Variants in ZNF45 observed in about 807,000 individuals in gnomAD.
The protein encoded by ZNF45 is zinc finger protein 45.
ZNF45 carries 4 observed loss-of-function variants against 12.0 expected under a neutral mutation model. The ratio of observed to expected loss-of-function variants is 0.33; its 90% CI spans 0.16 to 0.76. ZNF45 has a LOEUF of 0.76. ZNF45 is among the 30% of genes least tolerant of loss of function. The probability of loss-of-function intolerance (pLI) is 0.60; values close to 1 mark genes in which losing one functional copy is unlikely to be tolerated. For synonymous variants in ZNF45, 272 were observed against 279.6 expected (o/e 0.97, Z 0.27); for missense variants, 700 against 813.0 (o/e 0.86, Z 1.69).
intron 9 of ZNF45, among the ~76,000 whole-genome samples, chr19:43,917,516 AC>A (rs756215174): frequency 9.9e-5 from 15 of 151,632 alleles, no homozygotes; most frequent in Admixed American, 2.6e-4. Flanking sequence ...ATGGAGTTTC[AC>A]TCTTGTTGCC....
At chr19:43,917,287 G>A (rs1377067905) in intron 9 of ZNF45, among the ~76,000 whole-genome samples, 1 of 152,136 alleles carries the variant, frequency 6.6e-6, no homozygotes, top group African/African-American at 2.4e-5. Flanking sequence ...ATTTCTTATT[G>A]TAACTCATAC....
Position 43,914,790 on chromosome 19 carries a change from T to G in ZNF45, c.646A>C (p.Arg216=), listed in dbSNP as rs777812719. The G allele has an allele frequency of 3.1e-5, 50 of 1,614,020 alleles. No individual in the cohort carries two copies. The highest frequency in any genetic ancestry group is 1.6e-4 in the Middle Eastern group (1 of 6,062). The change falls in exon 10 of 10, where the codon AGA becomes CGA. Residue 216 remains arginine, a synonymous_variant. Transcript: ENST00000269973. ...GCATCATTTGTGTATGATTTTGCTC[T>G]ACTGTGGACTCTCTGATGGGCTTGA... The part of the protein sequence containing the change: ...SLQAHQRVHS[R]AKSYTNDASY...
intron 9 of ZNF45, among the ~76,000 whole-genome samples, 166 bp from the exon 10 acceptor site, chr19:43,915,366 C>A (rs567103875): frequency 6.6e-6 from 1 of 152,340 alleles, no homozygotes; most frequent in East Asian, 1.9e-4. Flanking sequence ...TTCAAAATGT[C>A]TAGTAAAACT....
chr19:43,922,280 A>G (rs1973251803), intron 6 of ZNF45, 63 bp from the exon 7 acceptor site: 2 of 1,192,788 alleles, frequency 1.7e-6, no homozygotes, highest in Non-Finnish European at 2.3e-6. Flanking sequence ...TGGCCAAAAA[A>G]AAAACCATAG....
intron 7 of ZNF45, 87 bp downstream of exon 7, chr19:43,922,081 CCTT>C: frequency 1.4e-6 from 2 of 1,389,888 alleles, no homozygotes; most frequent in Non-Finnish European, 2.0e-6. Context: ...CTACCGTTCT[CCTT>C]CATCTTCCTA....
intron 3 of ZNF45, among the ~76,000 whole-genome samples, chr19:43,928,423 G>T (rs1470159749): frequency 6.6e-6 from 1 of 152,050 alleles, no homozygotes; most frequent in Non-Finnish European, 1.5e-5. Context: ...TGGGTACTAG[G>T]CTTAATACCT....
chr19:43,918,184 GTT>G (rs1295993363), intron 9 of ZNF45, among the ~76,000 whole-genome samples: 1 of 152,148 alleles, frequency 6.6e-6, no homozygotes, highest in African/African-American at 2.4e-5. Context: ...TGTGTAAAGT[GTT>G]TTTGGGGACC....
At chr19:43,927,306 T>C (rs868687593) in intron 3 of ZNF45, among the ~76,000 whole-genome samples, 22 of 152,206 alleles carry the variant, frequency 1.4e-4, no homozygotes, top group African/African-American at 4.8e-4. Context: ...CTACAAGCAT[T>C]TGGAAGGAAC....
At chr19:43,920,535 T>TGGGGGGGGGGGGGGGGGGGG (rs386389071) in intron 7 of ZNF45, among the ~76,000 whole-genome samples, 2 of 22,356 alleles carry the variant, frequency 8.9e-5, no homozygotes, top group Non-Finnish European at 2.4e-4. Context: ...TGTTGCCGGG[T>TGGGGGGGGGGGGGGGGGGGG]GGGGGGGGGG....
At position 43,913,321 on chromosome 19, in the gene ZNF45, GT is replaced by G; in HGVS notation, c.*65del. ...GAACTACTGACTCTATAAAACAAAT[GT>G]TTTGTCTATGATAGCTCTGATTATT... On this transcript the variant is annotated 3_prime_UTR_variant, in exon 10 of 10. Transcript: ENST00000269973. 4 of 1,503,570 alleles carry G rather than the reference GT, an allele frequency of 2.7e-6. No homozygotes were observed. The South Asian group carries it at 5.5e-5, about 21-fold the overall frequency. 93.1% of individuals were successfully genotyped at this position (1,503,570 alleles called of 1,614,324 possible).
Position 43,913,272 on chromosome 19 carries a change from G to C in ZNF45, c.*115C>G. 1.6e-6 allele frequency: 2 copies of C among 1,244,356 alleles called. No homozygotes were observed. Among genetic ancestry groups the C allele is most frequent in the Non-Finnish European group, 2.2e-6 (2 of 905,086 alleles). 77.1% of individuals were successfully genotyped at this position (1,244,356 alleles called of 1,614,324 possible). ...TCCACTCTTGTGAGGCTTCTCTGCTGTGTGGTCTCCCAATCACTTGGCTGA... is the reference window on the plus strand; with the variant it reads ...TCCACTCTTGTGAGGCTTCTCTGCTCTGTGGTCTCCCAATCACTTGGCTGA... On this transcript the variant is annotated 3_prime_UTR_variant, in exon 10 of 10. Coordinates refer to ENST00000269973, the MANE Select transcript of ZNF45 (RefSeq NM_003425.4).
chr19:43,924,970 G>A (rs1348898276), intron 4 of ZNF45, among the ~76,000 whole-genome samples: 2 of 152,184 alleles, frequency 1.3e-5, no homozygotes, highest in Admixed American at 6.5e-5. Context: ...CCTTGCTGCT[G>A]TGGACCAATG....
At chr19:43,915,319 T>C (rs146377360) in intron 9 of ZNF45, 119 bp from the exon 10 acceptor site, 49 of 1,032,464 alleles carry the variant, frequency 4.7e-5, no homozygotes, top group South Asian at 6.0e-5. Context: ...GAAGGTTCCA[T>C]TGCCTACTGC....
intron 7 of ZNF45, among the ~76,000 whole-genome samples, chr19:43,920,492 C>T (rs374670580): frequency 8.0e-6 from 1 of 124,636 alleles, no homozygotes; most frequent in Non-Finnish European, 1.6e-5. Flanking sequence ...GCTGGTAGCA[C>T]CCCCGACCTG....
rs1002704125 is a variant in ZNF45, at chr19:43,926,708, A to G, written c.-399-1250T>C. 3.9e-5 allele frequency among the ~76,000 whole-genome samples: 6 copies of G among 152,214 alleles called. 1 individual carries two copies. The highest frequency in any genetic ancestry group is 3.9e-4 in the Admixed American group (6 of 15,284). The stretch of plus-strand genomic sequence containing the variant: ...ATGAGGAATGGGCTCATAAGCCCAC[A>G]GTGGAATGCAGGGGTTCTACACAAA... On this transcript the variant is annotated intron_variant, in intron 3 of 9. Transcript: ENST00000269973.
intron 3 of ZNF45, among the ~76,000 whole-genome samples, chr19:43,928,125 G>A (rs900838071): frequency 2.1e-5 from 3 of 143,268 alleles, no homozygotes; most frequent in Non-Finnish European, 3.0e-5. Context: ...AGCTTGTGGT[G>A]AGCCAAGATC....
chr19:43,926,164 C>A (rs1425689037), intron 3 of ZNF45: 1 of 152,166 alleles, frequency 6.6e-6, no homozygotes, highest in Non-Finnish European at 1.5e-5. Context: ...ATGACTGAAC[C>A]CACCATCAGA....
chr19:43,914,444 G>C lies in ZNF45; in HGVS notation c.992C>G (p.Pro331Arg). ...CTTGCCACATGCATTGCATTTGTAT[G>C]GTTTCTCGCCAGTGTGGATTCGCTC... ...AHERIHTGEK[P>R]YKCNACGKSF... The change falls in exon 10 of 10, where the codon CCA (proline) becomes CGA (arginine). Residue 331 changes from proline (P) to arginine (R), a missense_variant. Coordinates refer to ENST00000269973, the MANE Select transcript of ZNF45 (RefSeq NM_003425.4). 6.2e-7 allele frequency: 1 copy of C among 1,610,756 alleles called. No individual in the cohort carries two copies. The highest frequency in any genetic ancestry group is 8.5e-7 in the Non-Finnish European group (1 of 1,178,066).
In ZNF45 at chr19:43,914,915, C is replaced by G. The variant is rs1370255749; in HGVS notation, c.521G>C (p.Ser174Thr). 2 of 1,612,390 alleles carry G rather than the reference C, an allele frequency of 1.2e-6. No homozygotes were observed. The highest frequency in any genetic ancestry group is 2.2e-5 in the East Asian group (1 of 44,834). The change falls in exon 10 of 10, where the codon AGC becomes ACC. Residue 174 changes from serine to threonine, a missense_variant. By Grantham distance (58) the Ser-to-Thr change is moderately conservative (BLOSUM62 1). Coordinates refer to ENST00000269973, the MANE Select transcript of ZNF45 (RefSeq NM_003425.4). ...YKGEHCVKSF[S>T]WSSHLQINQR... ...GTTAATTTGAAGATGAGAGCTCCAG[C>G]TGAAACTTTTCACACAATGTTCTCC...
Sources: allele counts gnomAD v4.1 joint callset (sites outside exome capture counted in the v4.1 genomes callset), GRCh38; gene constraint gnomAD v4.1.1; transcripts MANE v1.5; gene names NCBI Gene and HGNC (gene_info 2026-07-23, HGNC 2026-07-21).